Variants in HDAC9 observed in about 807,000 individuals in gnomAD.
HDAC9 encodes the protein histone deacetylase 9, also known as MEF-2 interacting transcription repressor (MITR) protein.
HDAC9 carries 41 observed loss-of-function variants against 139.4 expected under a neutral mutation model. The ratio of observed to expected loss-of-function variants is 0.29; its 90% CI spans 0.23 to 0.38. HDAC9 has a LOEUF of 0.38. HDAC9 is among the 10% of genes least tolerant of loss of function. The pLI is 1.00. For synonymous variants in HDAC9, 517 were observed against 476.2 expected (o/e 1.09, Z -1.12); for missense variants, 1,147 against 1,297.0 (o/e 0.88, Z 1.78).
At chr7:18,347,754 C>T (rs1039656743) in intron 1 of HDAC9, among the ~76,000 whole-genome samples, 12 of 151,864 alleles carry the variant, frequency 7.9e-5, no homozygotes, top group African/African-American at 1.5e-4. Flanking sequence ...TATGCCACCA[C>T]GCCCGGCTAA....
chr7:18,305,992 C>G (rs993636852), intron 1 of HDAC9, among the ~76,000 whole-genome samples: 1 of 152,134 alleles, frequency 6.6e-6, no homozygotes, highest in African/African-American at 2.4e-5. Context: ...GCAATTCACT[C>G]CCCAGTCCTG....
At chr7:18,088,284 G>T (rs546249302) in intron 1 of HDAC9, among the ~76,000 whole-genome samples, 3 of 152,256 alleles carry the variant, frequency 2.0e-5, no homozygotes, top group South Asian at 2.1e-4. Flanking sequence ...AGAAAGCGAA[G>T]AGTTAATTTT....
chr7:18,856,651 A>G (rs1797704935), intron 21 of HDAC9, among the ~76,000 whole-genome samples: 1 of 152,198 alleles, frequency 6.6e-6, no homozygotes, highest in Admixed American at 6.6e-5. Context: ...AGCTTCCCTT[A>G]ATTTCAGTTT....
intron 12 of HDAC9, among the ~76,000 whole-genome samples, chr7:18,683,595 G>A (rs991463968): frequency 1.1e-4 from 17 of 152,188 alleles, no homozygotes; most frequent in African/African-American, 3.4e-4. Flanking sequence ...AACAGCTTCC[G>A]CTGATAATTG....
At chr7:18,880,203 T>C (rs779182829) in intron 22 of HDAC9, among the ~76,000 whole-genome samples, 2 of 152,168 alleles carry the variant, frequency 1.3e-5, no homozygotes, top group Non-Finnish European at 2.9e-5. Context: ...TTAGACACTG[T>C]TGGTGGGAAT....
chr7:18,752,115 C>T (rs150469705), intron 14 of HDAC9, among the ~76,000 whole-genome samples: 1,991 of 152,192 alleles, frequency 0.013, 48 homozygotes, highest in African/African-American at 0.046. Flanking sequence ...AAATTATTTT[C>T]GAATGCCGTG....
intron 2 of HDAC9, among the ~76,000 whole-genome samples, chr7:18,258,951 C>CTTT (rs199607615): frequency 2.6e-4 from 26 of 98,324 alleles, no homozygotes; most frequent in African/African-American, 4.0e-4. Flanking sequence ...TCTTCTTCTC[C>CTTT]TTTTTTTTTT....
chr7:18,866,871 A>G (rs961209465), intron 21 of HDAC9, among the ~76,000 whole-genome samples: 1 of 152,182 alleles, frequency 6.6e-6, no homozygotes, highest in Non-Finnish European at 1.5e-5. Context: ...CAACTTAAGG[A>G]CAACACTTGA....
chr7:18,108,062 T>C (rs1339623506), intron 1 of HDAC9, among the ~76,000 whole-genome samples: 7 of 152,196 alleles, frequency 4.6e-5, no homozygotes, highest in Admixed American at 4.6e-4. Context: ...TTTAATTCTT[T>C]CGGGGGACCT....
intron 12 of HDAC9, among the ~76,000 whole-genome samples, chr7:18,699,445 G>A (rs1369448666): frequency 6.6e-6 from 1 of 152,024 alleles, no homozygotes; most frequent in Non-Finnish European, 1.5e-5. Context: ...CAAAACCTGT[G>A]AGGCAATTTA....
intron 2 of HDAC9, among the ~76,000 whole-genome samples, chr7:18,235,384 A>G (rs1793749507): frequency 6.6e-6 from 1 of 152,014 alleles, no homozygotes; most frequent in Non-Finnish European, 1.5e-5. Flanking sequence ...AACAATGCAC[A>G]AGTTTTGATT....
intron 1 of HDAC9, among the ~76,000 whole-genome samples, chr7:18,326,119 G>C (rs1222501266): frequency 6.6e-6 from 1 of 152,032 alleles, no homozygotes; most frequent in African/African-American, 2.4e-5. Context: ...TTCTGACACA[G>C]CAGAAATGAA....
upstream of HDAC9, among the ~76,000 whole-genome samples, chr7:18,493,754 T>C (rs1454788266): frequency 6.6e-6 from 1 of 151,888 alleles, no homozygotes. Flanking sequence ...TTAAAAAATG[T>C]TCTTTACATA....
At position 18,271,611 on chromosome 7, in the gene HDAC9, A is replaced by C. The variant is rs181653661; in HGVS notation, c.25+109262A>C. ...TTTCATGCATCCCTCAGCATGAAGC[A>C]CATTTTTTTTCACCCGAATTCCTAC... On this transcript the variant is annotated intron_variant, in intron 2 of 12. Transcript: ENST00000417496. Among the ~76,000 whole-genome samples the C allele has an allele frequency of 1.5e-3, 234 of 152,302 alleles. 1 individual carries two copies. Among genetic ancestry groups the C allele is most frequent in the Non-Finnish European group, 2.1e-3 (145 of 68,022 alleles).
chr7:18,439,863 A>G (rs1276032571), intron 1 of HDAC9, among the ~76,000 whole-genome samples: 1 of 152,168 alleles, frequency 6.6e-6, no homozygotes, highest in East Asian at 1.9e-4. Context: ...AAAATGTAAA[A>G]TGTATTTCTA....
At chr7:18,523,136 T>C (rs1028481986) in intron 2 of HDAC9, among the ~76,000 whole-genome samples, 3 of 152,210 alleles carry the variant, frequency 2.0e-5, no homozygotes, top group Non-Finnish European at 4.4e-5. Context: ...TGGCTGGAGA[T>C]GACACTGCAA....
intron 16 of HDAC9, among the ~76,000 whole-genome samples, chr7:18,789,638 C>T (rs752401883): frequency 1.2e-4 from 19 of 152,070 alleles, no homozygotes; most frequent in Non-Finnish European, 2.5e-4. Flanking sequence ...TGTGAGGGTG[C>T]CTGTCTTCTT....
At position 18,696,748 on chromosome 7, in the gene HDAC9, G is replaced by A. The variant is rs1357171808; in HGVS notation, c.1731+30272G>A. Among the ~76,000 whole-genome samples the A allele has an allele frequency of 9.9e-5, 15 of 152,098 alleles. No homozygotes were observed. The East Asian group carries it at 1.2e-3, about 12-fold the overall frequency. ...CTCCCAAAGTGCTGGGATTACAGGCGTGAGCCACCGTGCCCAGCCAGTTGT... is the reference window on the plus strand; with the variant it reads ...CTCCCAAAGTGCTGGGATTACAGGCATGAGCCACCGTGCCCAGCCAGTTGT... On this transcript the variant is annotated intron_variant, in intron 12 of 25. Transcript: ENST00000686413.
intron 12 of HDAC9, among the ~76,000 whole-genome samples, chr7:18,709,718 A>G (rs1205502428): frequency 6.6e-6 from 1 of 152,182 alleles, no homozygotes; most frequent in Non-Finnish European, 1.5e-5. Flanking sequence ...GGGAGAATTT[A>G]AGGGATTATC....
Sources: allele counts gnomAD v4.1 joint callset (sites outside exome capture counted in the v4.1 genomes callset), GRCh38; gene constraint gnomAD v4.1.1; transcripts MANE v1.5; gene names NCBI Gene and HGNC (gene_info 2026-07-23, HGNC 2026-07-21).